LCOR: variants seen among roughly 807,000 people sequenced by gnomAD.
LCOR encodes the protein ligand-dependent corepressor.
Under a neutral mutation model 64.4 loss-of-function variants are expected in LCOR, and 14 were observed. That is an observed-to-expected ratio of 0.22 (90% CI 0.14 to 0.34). The LOEUF is 0.34. LCOR is among the 10% of genes least tolerant of loss of function. LCOR has a pLI of 1.00. For synonymous variants in LCOR, 643 were observed against 642.5 expected, an observed-to-expected ratio of 1.00 and a Z score of -0.01; for missense variants, 1,686 against 1,765.3, an observed-to-expected ratio of 0.96 and a Z score of 0.80.
intron 2 of LCOR, among the ~76,000 whole-genome samples, chr10:96,869,949 GT>G (rs1363645006): frequency 2.0e-5 from 3 of 152,188 alleles, no homozygotes; most frequent in African/African-American, 7.2e-5. Context: ...AGACTTACCT[GT>G]GGTGCTTATC....
intron 7 of LCOR, chr10:96,955,578 A>C (rs1589681262): frequency 6.2e-7 from 1 of 1,614,140 alleles, no homozygotes; most frequent in Non-Finnish European, 8.5e-7. Context: ...TGAGCAGTCT[A>C]CCTCTGGACA....
Position 96,983,255 on chromosome 10 carries a change from A to T in LCOR, c.2795A>T (p.Asp932Val). Reference protein sequence around the residue: ...ELRGEIFPSRDPITTAGQPLP... With the variant: ...ELRGEIFPSRVPITTAGQPLP... Reference sequence around the variant, plus strand: ...CGAGGAGAGATTTTCCCCAGCAGGGACCCCATAACCACAGCTGGACAGCCA... The same window carrying T: ...CGAGGAGAGATTTTCCCCAGCAGGGTCCCCATAACCACAGCTGGACAGCCA... Residue 932 changes from aspartate (D) to valine (V), a missense_variant, in exon 8 of 8, where the codon GAC (aspartate) becomes GTC (valine). Physicochemically the swap from Asp to Val is radical, Grantham distance 152 (BLOSUM62 -3). Around this residue, in one of 3 missense-constraint regions of LCOR, gnomAD observed 1,293 missense variants for 1,410.4 expected, o/e 0.92. Coordinates refer to ENST00000421806, the MANE Select transcript of LCOR (RefSeq NM_001346516.2). This position sits in a 1 kb window ranked among gnomAD's most constrained non-coding sequence, Gnocchi z 4.5. 6.2e-7 allele frequency: 1 copy of T among 1,614,178 alleles called. No homozygotes were observed. The highest frequency in any genetic ancestry group is 8.5e-7 in the Non-Finnish European group (1 of 1,180,034).
chr10:96,985,054 A>G lies in LCOR; in HGVS notation c.4594A>G (p.Ser1532Gly). The G allele has an allele frequency of 6.2e-7, 1 of 1,614,136 alleles. No homozygotes were observed. Among genetic ancestry groups the G allele is most frequent in the Non-Finnish European group, 8.5e-7 (1 of 1,180,012 alleles). Residue 1532 changes from serine to glycine, a missense_variant, in exon 8 of 8, where the codon AGT (serine) becomes GGT (glycine). Coordinates refer to ENST00000421806, the MANE Select transcript of LCOR (RefSeq NM_001346516.2). ...ARPSTKTPES[S>G]AAQRKRKLKA... ...ACCCTCAACGAAAACCCCAGAGAGCAGTGCAGCTCAGAGAAAGCGAAAGCT... is the reference window on the plus strand; with the variant it reads ...ACCCTCAACGAAAACCCCAGAGAGCGGTGCAGCTCAGAGAAAGCGAAAGCT...
intron 1 of LCOR, chr10:96,833,091 G>C (rs1845374667): frequency 2.0e-6 from 2 of 985,988 alleles, no homozygotes; most frequent in Non-Finnish European, 2.4e-6. Context: ...GGCGGTGGCC[G>C]GGGAGTTAAT....
chr10:96,852,265 A>G (rs973518908), intron 2 of LCOR, among the ~76,000 whole-genome samples: 5 of 152,126 alleles, frequency 3.3e-5, no homozygotes, highest in African/African-American at 1.2e-4. Flanking sequence ...AAAAATTTTT[A>G]AAAGAAATTA....
intron 2 of LCOR, among the ~76,000 whole-genome samples, chr10:96,900,100 T>A (rs1391591760): frequency 6.6e-6 from 1 of 152,182 alleles, no homozygotes; most frequent in East Asian, 1.9e-4. Context: ...CATTCAGCCA[T>A]AGGAAACCAC....
intron 6 of LCOR, among the ~76,000 whole-genome samples, chr10:96,949,714 C>T (rs1847645505): frequency 6.6e-6 from 1 of 152,054 alleles, no homozygotes; most frequent in South Asian, 2.1e-4. Flanking sequence ...ATATACTCTG[C>T]AAATGAGATC....
intron 2 of LCOR, among the ~76,000 whole-genome samples, chr10:96,857,306 G>A (rs1055212247): frequency 2.0e-5 from 3 of 152,124 alleles, no homozygotes; most frequent in Admixed American, 6.5e-5. Context: ...GCCATCCCCT[G>A]TACTTTTTTA....
intron 2 of LCOR, among the ~76,000 whole-genome samples, chr10:96,865,527 C>CACT (rs1845956152): frequency 6.9e-6 from 1 of 145,244 alleles, no homozygotes; most frequent in African/African-American, 2.7e-5. Context: ...TTAAAATGTA[C>CACT]AGTAGTTATG....
chr10:96,939,092 C>CT (rs1847402767), intron 4 of LCOR, among the ~76,000 whole-genome samples: 1 of 152,198 alleles, frequency 6.6e-6, no homozygotes, highest in South Asian at 2.1e-4. Flanking sequence ...AGGATTTACA[C>CT]TTTACCAATT....
intron 7 of LCOR, chr10:96,955,339 A>T: frequency 1.2e-6 from 2 of 1,614,118 alleles, no homozygotes; most frequent in Non-Finnish European, 1.7e-6. Flanking sequence ...GCAAAACAAG[A>T]TGGAAAAAAG....
At chr10:96,942,458 G>GGAGGGAGAGGGA (rs71007310) in intron 4 of LCOR, among the ~76,000 whole-genome samples, 4,685 of 150,602 alleles carry the variant, frequency 0.031, 220 homozygotes, top group African/African-American at 0.11. Context: ...GAGAGGGAGA[G>GGAGGGAGAGGGA]GAGGGAGAGG....
chr10:96,858,321 C>G (rs1030944742), intron 2 of LCOR, among the ~76,000 whole-genome samples: 1 of 152,110 alleles, frequency 6.6e-6, no homozygotes, highest in African/African-American at 2.4e-5. Flanking sequence ...TCTGAAGCAC[C>G]AGCAAATGGA....
chr10:96,880,891 G>A (rs1044848199), intron 2 of LCOR, among the ~76,000 whole-genome samples: 5 of 152,162 alleles, frequency 3.3e-5, no homozygotes, highest in African/African-American at 4.8e-5. Flanking sequence ...ACCACTGAAC[G>A]CAGTTTGAGT....
At chr10:96,926,550 A>G (rs1297375435) in intron 4 of LCOR, among the ~76,000 whole-genome samples, 1 of 152,146 alleles carries the variant, frequency 6.6e-6, no homozygotes, top group Non-Finnish European at 1.5e-5. Context: ...ATTTTTAATG[A>G]TATTTAGGCA....
intron 2 of LCOR, among the ~76,000 whole-genome samples, chr10:96,871,349 C>T (rs1846069066): frequency 6.6e-6 from 1 of 152,030 alleles, no homozygotes; most frequent in South Asian, 2.1e-4. Flanking sequence ...AGCCACCACT[C>T]CCAGGCTCAA....
intron 4 of LCOR, among the ~76,000 whole-genome samples, chr10:96,939,486 G>A (rs1309340407): frequency 1.3e-5 from 2 of 152,052 alleles, no homozygotes; most frequent in Non-Finnish European, 2.9e-5. Context: ...TATATAGATT[G>A]GAATTCATTA....
At chr10:96,980,454 A>G (rs1394403496) in intron 7 of LCOR, among the ~76,000 whole-genome samples, 10 of 152,254 alleles carry the variant, frequency 6.6e-5, no homozygotes. Flanking sequence ...TGAGGCTATA[A>G]CAGGCTGACC....
At chr10:96,901,079 C>T (rs1846628549) in intron 2 of LCOR, among the ~76,000 whole-genome samples, 1 of 152,020 alleles carries the variant, frequency 6.6e-6, no homozygotes, top group South Asian at 2.1e-4. Flanking sequence ...GTCGCAGCTA[C>T]TCGGGAGGCT....
Sources: gnomAD v4.1 joint callset for allele counts (sites outside exome capture counted in the v4.1 genomes callset) on GRCh38, gnomAD v4.1.1 for gene constraint, gnomAD v4.1.1 regional missense constraint, Gnocchi (gnomAD v3.1) non-coding constraint, MANE v1.5 for transcripts, NCBI Gene and HGNC (gene_info 2026-07-23, HGNC 2026-07-21) for gene names.